The following LARP6 variants were observed in gnomAD, a reference collection of about 807,000 sequenced individuals.
LARP6 encodes the protein la-related protein 6.
LARP6 carries 18 observed loss-of-function variants against 32.8 expected under a neutral mutation model. The ratio of observed to expected loss-of-function variants is 0.55; its 90% CI spans 0.38 to 0.81. LARP6 has a LOEUF of 0.81. Among genes scored for constraint, LARP6 ranks in the 40% least tolerant of loss-of-function variants. The pLI is 0.00. For missense variants in LARP6, 598 were observed against 663.1 expected, an observed-to-expected ratio of 0.90 and a Z score of 1.08; for synonymous variants, 289 against 267.2, an observed-to-expected ratio of 1.08 and a Z score of -0.80.
rs901000902 is a variant in LARP6, at chr15:70,830,210, A to C, written c.*1842T>G. ...CACGAACTCTTCTGCATCTTAAGGG[A>C]CAAAGCATCTTACTATCCAGATCAC... On this transcript the variant is annotated 3_prime_UTR_variant, in exon 3 of 3. Coordinates refer to ENST00000299213, the MANE Select transcript of LARP6 (RefSeq NM_018357.4). The C allele has an allele frequency of 2.6e-5, 4 of 152,262 alleles. No homozygotes were observed. The highest frequency in any genetic ancestry group is 7.2e-5 in the African/African-American group (3 of 41,464). The allele number at this position is 152,262 out of a possible 1,614,324, so 9.4% of individuals were successfully genotyped here.
In LARP6 at chr15:70,829,407, G is replaced by A. The variant is rs2032000935; in HGVS notation, c.*2645C>T. 1 of 152,426 alleles carries A rather than the reference G, an allele frequency of 6.6e-6. No homozygotes were observed. The highest frequency in any genetic ancestry group is 1.5e-5 in the Non-Finnish European group (1 of 68,262). The allele number at this position is 152,426 out of a possible 1,614,324, so 9.4% of individuals were successfully genotyped here. ...GCCCGCCTCAGTCTCCTGAAGTGCTGGGATTACAGGCGTGAGCCACCGTGC... is the reference window on the plus strand; with the variant it reads ...GCCCGCCTCAGTCTCCTGAAGTGCTAGGATTACAGGCGTGAGCCACCGTGC... On this transcript the variant is annotated 3_prime_UTR_variant, in exon 3 of 3. Coordinates refer to ENST00000299213, the MANE Select transcript of LARP6 (RefSeq NM_018357.4).
At chr15:70,838,408 T>C (rs1017599489) in intron 1 of LARP6, among the ~76,000 whole-genome samples, 2 of 152,214 alleles carry the variant, frequency 1.3e-5, no homozygotes, top group African/African-American at 2.4e-5. Flanking sequence ...CCTTCGCTAA[T>C]TCATAAGAGG....
rs994153799 is a variant in LARP6, at chr15:70,831,118, TC to T, written c.*933del. 4 of 152,282 alleles carry T rather than the reference TC, an allele frequency of 2.6e-5. No homozygotes were observed. Among genetic ancestry groups the T allele is most frequent in the Non-Finnish European group, 5.9e-5 (4 of 68,094 alleles). 9.4% of individuals were successfully genotyped at this position (152,282 alleles called of 1,614,324 possible). A position where few individuals can be genotyped will look rare whatever the true frequency, so the allele number is the denominator to read the frequency against. On this transcript the variant is annotated 3_prime_UTR_variant, in exon 3 of 3. Transcript: ENST00000299213. The stretch of plus-strand genomic sequence containing the variant: ...AATTCCAGGCCTTTCTCCCAGACTT[TC>T]TAATTCAGTGGGCCTAGGGTTGGCC...
chr15:70,852,302 C>T, intron 1 of LARP6: 1 of 455,754 alleles, frequency 2.2e-6, no homozygotes, highest in South Asian at 1.6e-5. Flanking sequence ...TGAACACTTG[C>T]TGAGACTCAA....
At chr15:70,839,437 CAAA>C (rs10580315) in intron 1 of LARP6, among the ~76,000 whole-genome samples, 4,547 of 130,012 alleles carry the variant, frequency 0.035, 220 homozygotes, top group African/African-American at 0.12. Context: ...GAGACTGTCT[CAAA>C]AAAAAAAAAA....
Position 70,832,588 on chromosome 15 carries a change from T to G in LARP6, c.940A>C (p.Ile314Leu). The G allele has an allele frequency of 6.3e-7, 1 of 1,592,038 alleles. No homozygotes were observed. Among genetic ancestry groups the G allele is most frequent in the Non-Finnish European group, 8.5e-7 (1 of 1,171,130 alleles). ...KNHDEEPTAS[I>L]HLNKSLNKRV... ...TTGTTCAGGGACTTGTTCAGGTGGATGCTCGCAGTGGGCTCCTCGTCATGA... is the reference window on the plus strand; with the variant it reads ...TTGTTCAGGGACTTGTTCAGGTGGAGGCTCGCAGTGGGCTCCTCGTCATGA... Residue 314 changes from isoleucine to leucine, a missense_variant, in exon 3 of 3, where the codon ATC becomes CTC. Coordinates refer to ENST00000299213, the MANE Select transcript of LARP6 (RefSeq NM_018357.4).
chr15:70,832,825 G>A lies in LARP6; in HGVS notation c.703C>T (p.Pro235Ser). 5.0e-6 allele frequency: 8 copies of A among 1,613,084 alleles called. No individual in the cohort carries two copies. The highest frequency in any genetic ancestry group is 5.1e-6 in the Non-Finnish European group (6 of 1,179,666). Reference protein sequence around the residue: ...GVISSVRILKPGRELPPDIRR... With the variant: ...GVISSVRILKSGRELPPDIRR... ...ATGTCAGGGGGCAGCTCTCTCCCAG[G>A]TTTGAGGATCCGCACTGATGAGATG... is the stretch of plus-strand genomic sequence containing the variant. The change falls in exon 3 of 3, where the codon CCT becomes TCT. Residue 235 changes from proline (P) to serine (S), a missense_variant. Pro to Ser is a moderately conservative substitution (Grantham distance 74). Coordinates refer to ENST00000299213, the MANE Select transcript of LARP6 (RefSeq NM_018357.4).
At chr15:70,837,366 C>G (rs1045865026) in intron 1 of LARP6, among the ~76,000 whole-genome samples, 1 of 152,052 alleles carries the variant, frequency 6.6e-6, no homozygotes, top group African/African-American at 2.4e-5. Context: ...CTGGGAGACA[C>G]AGTGAGACCC....
intron 1 of LARP6, among the ~76,000 whole-genome samples, chr15:70,847,358 G>T (rs1271497506): frequency 6.6e-6 from 1 of 151,838 alleles, no homozygotes; most frequent in Non-Finnish European, 1.5e-5. Flanking sequence ...TGGGTTCCAT[G>T]AATCAGTGCT....
intron 2 of LARP6, among the ~76,000 whole-genome samples, chr15:70,834,590 C>T (rs570679423): frequency 6.6e-6 from 1 of 152,370 alleles, no homozygotes; most frequent in Non-Finnish European, 1.5e-5. Context: ...CACTGCCTTA[C>T]TCAGAGGGCT....
intron 1 of LARP6, chr15:70,852,226 C>A (rs1207658785): frequency 2.2e-6 from 1 of 452,704 alleles, no homozygotes; most frequent in East Asian, 7.0e-5. Context: ...TGTCAGCTCA[C>A]CGAAGAACCC....
chr15:70,853,358 A>G (rs1595959243), intron 1 of LARP6: 1 of 151,796 alleles, frequency 6.6e-6, no homozygotes, highest in Non-Finnish European at 1.5e-5. Flanking sequence ...TTGAAATCCC[A>G]CCTCCTGGAA....
intron 1 of LARP6, among the ~76,000 whole-genome samples, chr15:70,839,983 T>C (rs2032222630): frequency 6.6e-6 from 1 of 152,254 alleles, no homozygotes; most frequent in Non-Finnish European, 1.5e-5. Flanking sequence ...CCAGCTCTTA[T>C]AACTATCTAC....
At chr15:70,841,588 A>G (rs28369167) in intron 1 of LARP6, among the ~76,000 whole-genome samples, 9,735 of 152,124 alleles carry the variant, frequency 0.064, 423 homozygotes, top group African/African-American at 0.11. Context: ...GTCGTTTCTC[A>G]TGAATGGTAT....
Position 70,832,513 on chromosome 15 carries a change from A to G in LARP6, c.1015T>C (p.Ser339Pro), listed in dbSNP as rs2032066409. The G allele has an allele frequency of 6.5e-7, 1 of 1,540,866 alleles. No homozygotes were observed. Among genetic ancestry groups the G allele is most frequent in the Admixed American group, 2.1e-5 (1 of 47,718 alleles). ...YMGDESSANS[S>P]SDPESNPTSP... is the part of the protein sequence containing the mutation. The stretch of plus-strand genomic sequence containing the variant: ...GTGGGGTTGCTCTCGGGGTCAGAGG[A>G]GCTGTTGGCAGAAGACTCATCACCC... Residue 339 changes from serine (S) to proline (P), a missense_variant, in exon 3 of 3, where the codon TCC becomes CCC. Ser to Pro is a moderately conservative substitution (Grantham distance 74, BLOSUM62 -1). Around this residue, in one of 3 missense-constraint regions of LARP6, gnomAD observed 368 missense variants for 397.9 expected, o/e 0.92. Transcript: ENST00000299213.
chr15:70,835,392 C>T (rs2032128366), intron 2 of LARP6, among the ~76,000 whole-genome samples: 2 of 152,220 alleles, frequency 1.3e-5, no homozygotes, highest in South Asian at 4.1e-4. Flanking sequence ...GTACGATCTT[C>T]ACTCTGTACA....
intron 1 of LARP6, chr15:70,852,235 C>A (rs1189834942): frequency 2.2e-6 from 1 of 454,574 alleles, no homozygotes; most frequent in Non-Finnish European, 4.4e-6. Context: ...ACCGAAGAAC[C>A]CCAGGGATTT....
chr15:70,849,690 C>G (rs1567023789), intron 1 of LARP6: 1 of 152,080 alleles, frequency 6.6e-6, no homozygotes, highest in Admixed American at 6.6e-5. Flanking sequence ...GCAATATAGA[C>G]ATTTTGAGCA....
chr15:70,842,505 C>T (rs2032275568), intron 1 of LARP6, among the ~76,000 whole-genome samples: 1 of 152,198 alleles, frequency 6.6e-6, no homozygotes, highest in Non-Finnish European at 1.5e-5. Context: ...TCCTGAGCTG[C>T]AGTCCTCAAT....
Sources: gnomAD v4.1 joint callset for allele counts (sites outside exome capture counted in the v4.1 genomes callset) on GRCh38, gnomAD v4.1.1 for gene constraint, gnomAD v4.1.1 regional missense constraint, MANE v1.5 for transcripts, NCBI Gene and HGNC (gene_info 2026-07-23, HGNC 2026-07-21) for gene names.